MAMDC2: variants seen among roughly 807,000 people sequenced by gnomAD.
The protein encoded by MAMDC2 is MAM domain containing 2, also known as MAM domain-containing protein 2.
A neutral mutation model predicts 89.8 loss-of-function variants in MAMDC2; 57 were observed. The observed-to-expected ratio is 0.63, with a 90% CI of 0.51 to 0.79. The LOEUF is 0.79. Among genes scored for constraint, MAMDC2 ranks in the 30% least tolerant of loss-of-function variants. The pLI is 0.00. For synonymous variants in MAMDC2, 313 were observed against 293.4 expected, an observed-to-expected ratio of 1.07 and a Z score of -0.68; for missense variants, 800 against 820.6, an observed-to-expected ratio of 0.97 and a Z score of 0.31.
At chr9:70,126,052 A>C in intron 5 of MAMDC2, 107 bp from the exon 6 acceptor site, 1 of 1,252,640 alleles carries the variant, frequency 8.0e-7, no homozygotes, top group Non-Finnish European at 1.1e-6. Flanking sequence ...CCTCCTCACC[A>C]TTCCCACTGG....
chr9:70,217,377 G>T, intron 11 of MAMDC2: 1 of 1,335,692 alleles, frequency 7.5e-7, no homozygotes, highest in Non-Finnish European at 1.1e-6. Flanking sequence ...AGCACAAAAA[G>T]GGAGAGTCGG....
chr9:70,067,729 T>C (rs1827301371), intron 2 of MAMDC2, among the ~76,000 whole-genome samples: 1 of 152,186 alleles, frequency 6.6e-6, no homozygotes, highest in Non-Finnish European at 1.5e-5. Flanking sequence ...TGCAGCTCAT[T>C]TGGATAATTT....
At chr9:70,163,549 C>T (rs1210715823) in intron 9 of MAMDC2, among the ~76,000 whole-genome samples, 5 of 152,054 alleles carry the variant, frequency 3.3e-5, no homozygotes, top group Non-Finnish European at 5.9e-5. Flanking sequence ...CTTGTTAGAA[C>T]AATCACCTGG....
At chr9:70,215,868 C>T (rs1045943486) in intron 11 of MAMDC2, among the ~76,000 whole-genome samples, 5 of 152,300 alleles carry the variant, frequency 3.3e-5, no homozygotes, top group South Asian at 2.1e-4. Context: ...TTAAGACCAA[C>T]GATGCTTTCT....
At chr9:70,144,576 T>C (rs2031336152) in intron 9 of MAMDC2, among the ~76,000 whole-genome samples, 1 of 152,190 alleles carries the variant, frequency 6.6e-6, no homozygotes, top group Admixed American at 6.5e-5. Flanking sequence ...CAAATATCTC[T>C]TGAGTATCCT....
chr9:70,085,399 G>C (rs558917215), intron 2 of MAMDC2, among the ~76,000 whole-genome samples: 7 of 152,142 alleles, frequency 4.6e-5, no homozygotes, highest in South Asian at 2.1e-4. Flanking sequence ...TTACTTCTTA[G>C]GGTCTTAGTT....
chr9:70,101,241 C>T (rs1828184572), intron 2 of MAMDC2, among the ~76,000 whole-genome samples: 3 of 152,062 alleles, frequency 2.0e-5, no homozygotes, highest in South Asian at 2.1e-4. Flanking sequence ...CAGTACCGTA[C>T]AGTGTGTTTG....
intron 2 of MAMDC2, among the ~76,000 whole-genome samples, chr9:70,050,714 A>T (rs1407456212): frequency 6.6e-6 from 1 of 152,188 alleles, no homozygotes; most frequent in Non-Finnish European, 1.5e-5. Flanking sequence ...AGCTTTCCAA[A>T]ACAGCTTTTG....
intron 2 of MAMDC2, among the ~76,000 whole-genome samples, chr9:70,048,060 C>CA (rs1178627509): frequency 6.9e-6 from 1 of 144,806 alleles, no homozygotes; most frequent in Non-Finnish European, 1.5e-5. Context: ...CCAGGTGCAC[C>CA]ATACAGGGCA....
intron 9 of MAMDC2, 88 bp from the exon 10 acceptor site, chr9:70,168,614 C>T (rs1330298504): frequency 1.3e-5 from 13 of 995,214 alleles, no homozygotes; most frequent in South Asian, 2.8e-5. Context: ...TGCCTATGCT[C>T]GCCTGCTGTG....
At chr9:70,153,090 AGAT>A (rs1476310751) in intron 9 of MAMDC2, 1 of 152,236 alleles carries the variant, frequency 6.6e-6, no homozygotes, top group African/African-American at 2.4e-5. Context: ...TATTTTAATA[AGAT>A]GATACTTTCT....
At chr9:70,186,948 C>T (rs533939117) in intron 11 of MAMDC2, among the ~76,000 whole-genome samples, 31 of 152,254 alleles carry the variant, frequency 2.0e-4, no homozygotes, top group African/African-American at 6.7e-4. Flanking sequence ...CATGAGGGAT[C>T]CACTCCCATG....
rs1200940576 is a variant in MAMDC2 at position 70,187,334 on chromosome 9, AT to A, written c.1651+16711del. Among the ~76,000 whole-genome samples the A allele has an allele frequency of 2.6e-4, 39 of 151,902 alleles. No homozygotes were observed. In the East Asian group the frequency reaches 6.6e-3, roughly 26 times the overall value. ...GTATTTTCTCTTGGCCAATTAAAAA[AT>A]TTTTTTTGAATCTTAGCGATGTTCA... On this transcript the variant is annotated intron_variant, in intron 11 of 13. Coordinates refer to ENST00000377182, the MANE Select transcript of MAMDC2 (RefSeq NM_153267.5).
intron 5 of MAMDC2, among the ~76,000 whole-genome samples, chr9:70,121,383 T>C (rs183991418): frequency 2.2e-4 from 33 of 152,328 alleles, no homozygotes; most frequent in Admixed American, 1.8e-3. Flanking sequence ...ACTGTGATCT[T>C]TCTTTCAACT....
chr9:70,195,028 AG>A (rs2032950103), intron 11 of MAMDC2, among the ~76,000 whole-genome samples: 1 of 152,130 alleles, frequency 6.6e-6, no homozygotes, highest in Admixed American at 6.6e-5. Context: ...ATTATTTCAC[AG>A]GTTTACAGCT....
At position 70,075,642 on chromosome 9, in the gene MAMDC2, C is replaced by T. The variant is rs1356540677; in HGVS notation, c.148+30945C>T. 2.6e-5 allele frequency among the ~76,000 whole-genome samples: 4 copies of T among 152,196 alleles called. 1 individual carries two copies. ...CAGTTTACAACCCAATGAGGGGGAA[C>T]GTGGCAATGTCTACCAAGATTACAG... On this transcript the variant is annotated intron_variant, in intron 2 of 13. Coordinates refer to ENST00000377182, the MANE Select transcript of MAMDC2 (RefSeq NM_153267.5).
intron 2 of MAMDC2, chr9:70,083,548 G>A (rs923399649): frequency 2.6e-5 from 4 of 152,046 alleles, no homozygotes; most frequent in African/African-American, 9.7e-5. Flanking sequence ...AAAGCAATAA[G>A]TCACATGTCA....
intron 11 of MAMDC2, among the ~76,000 whole-genome samples, chr9:70,179,632 A>AC (rs1361914966): frequency 6.6e-6 from 1 of 151,274 alleles, no homozygotes; most frequent in Non-Finnish European, 1.5e-5. Flanking sequence ...AAAAAAAAAA[A>AC]AAACAAAAGC....
At chr9:70,140,390 G>T (rs1027279828) in intron 8 of MAMDC2, 102 bp downstream of exon 8, 3 of 1,299,370 alleles carry the variant, frequency 2.3e-6, no homozygotes, top group Non-Finnish European at 3.1e-6. Flanking sequence ...AAAGAAAAAA[G>T]GCAGCTGTGA....
Sources: gnomAD v4.1 joint callset for allele counts (sites outside exome capture counted in the v4.1 genomes callset) on GRCh38, gnomAD v4.1.1 for gene constraint, MANE v1.5 for transcripts, NCBI Gene and HGNC (gene_info 2026-07-23, HGNC 2026-07-21) for gene names.